MACROD2: variants seen among roughly 807,000 people sequenced by gnomAD.
MACROD2 encodes mono-ADP ribosylhydrolase 2.
A neutral mutation model predicts 70.4 loss-of-function variants in MACROD2; 36 were observed. The ratio of observed to expected loss-of-function variants is 0.51; its 90% CI spans 0.39 to 0.68. MACROD2 has a LOEUF of 0.68. Among genes scored for constraint, MACROD2 ranks in the 30% least tolerant of loss-of-function variants. MACROD2 has a pLI of 0.00. For missense variants in MACROD2, 496 were observed against 538.4 expected (o/e 0.92, Z 0.78); for synonymous variants, 172 against 178.8 (o/e 0.96, Z 0.30).
At chr20:14,148,074 A>G (rs1190036690) in intron 3 of MACROD2, among the ~76,000 whole-genome samples, 1 of 152,182 alleles carries the variant, frequency 6.6e-6, no homozygotes, top group East Asian at 1.9e-4. Flanking sequence ...AAATTTTACT[A>G]CTCTTGGATA....
intron 8 of MACROD2, among the ~76,000 whole-genome samples, chr20:15,840,677 C>A (rs1394505387): frequency 6.6e-6 from 1 of 152,070 alleles, no homozygotes; most frequent in African/African-American, 2.4e-5. Context: ...AAAAGAATTC[C>A]ATGACTGAAG....
chr20:14,894,844 A>G (rs1050281672), intron 5 of MACROD2: 2 of 152,162 alleles, frequency 1.3e-5, no homozygotes, highest in Non-Finnish European at 2.9e-5. Flanking sequence ...TTTGTGGATC[A>G]GGGACAAGGG....
chr20:13,998,829 C>T (rs566838567), intron 1 of MACROD2, among the ~76,000 whole-genome samples: 2 of 151,976 alleles, frequency 1.3e-5, no homozygotes, highest in African/African-American at 4.8e-5. Context: ...GTGGCACACG[C>T]CTGTAATCCC....
intron 4 of MACROD2, among the ~76,000 whole-genome samples, chr20:14,667,556 G>A (rs1053315525): frequency 1.3e-5 from 2 of 152,138 alleles, no homozygotes; most frequent in African/African-American, 2.4e-5. Flanking sequence ...TGTTGGATGC[G>A]TGTGCTGTGT....
chr20:15,545,214 G>A (rs1395291806), intron 8 of MACROD2, among the ~76,000 whole-genome samples: 1 of 152,158 alleles, frequency 6.6e-6, no homozygotes, highest in African/African-American at 2.4e-5. Flanking sequence ...TTTGGCAAAG[G>A]CACTGGCAAG....
chr20:15,049,388 C>G (rs1369533227), intron 5 of MACROD2, among the ~76,000 whole-genome samples: 1 of 151,820 alleles, frequency 6.6e-6, no homozygotes, highest in East Asian at 1.9e-4. Context: ...CTAAAGGCAG[C>G]TGCTACTCAG....
intron 5 of MACROD2, among the ~76,000 whole-genome samples, chr20:14,923,991 A>T (rs958802951): frequency 1.3e-5 from 2 of 152,170 alleles, no homozygotes; most frequent in Non-Finnish European, 2.9e-5. Flanking sequence ...TTGAGGTCAT[A>T]TATAGACCAC....
intron 3 of MACROD2, among the ~76,000 whole-genome samples, chr20:14,450,355 T>G (rs1039924704): frequency 2.6e-5 from 4 of 152,070 alleles, no homozygotes; most frequent in African/African-American, 9.7e-5. Context: ...TTTTAGGAAG[T>G]GAACGTCAAA....
rs185795684 is a variant in MACROD2, at chr20:15,612,860, T to A, written c.645+113013T>A. Among the ~76,000 whole-genome samples, 3 of 152,332 alleles carry A rather than the reference T, an allele frequency of 2.0e-5. No individual in the cohort carries two copies. The East Asian group carries it at 5.8e-4, about 29-fold the overall frequency. On this transcript the variant is annotated intron_variant, in intron 8 of 17. Coordinates refer to ENST00000684519, the MANE Select transcript of MACROD2 (RefSeq NM_001351661.2). ...CAGCTTCTTTTGAGAGAAGTGTGTC[T>A]AGTGCATTTTCCCATCACTTACTAA...
At chr20:15,025,527 A>G (rs1273952617) in intron 5 of MACROD2, among the ~76,000 whole-genome samples, 2 of 151,794 alleles carry the variant, frequency 1.3e-5, no homozygotes, top group African/African-American at 4.8e-5. Context: ...CCCTCTACCT[A>G]CTCCTTTCAC....
At chr20:14,693,026 A>G (rs2071081511) in intron 5 of MACROD2, among the ~76,000 whole-genome samples, 1 of 152,232 alleles carries the variant, frequency 6.6e-6, no homozygotes, top group Admixed American at 6.5e-5. Flanking sequence ...ATTTGCCATC[A>G]TAGCAAGCCT....
At chr20:14,414,085 C>A (rs1390813289) in intron 3 of MACROD2, among the ~76,000 whole-genome samples, 1 of 152,154 alleles carries the variant, frequency 6.6e-6, no homozygotes, top group Non-Finnish European at 1.5e-5. Flanking sequence ...AAAAAACATT[C>A]ATTTGCTGAC....
intron 8 of MACROD2, among the ~76,000 whole-genome samples, chr20:15,842,852 G>A (rs6043572): frequency 0.87 from 131,632 of 152,126 alleles, 57,226 homozygotes; most frequent in East Asian, 0.99. Context: ...GGGTTGTGTC[G>A]TCTCTCAAGA....
intron 8 of MACROD2, chr20:15,552,140 G>C (rs972792064): frequency 6.6e-6 from 1 of 152,138 alleles, no homozygotes; most frequent in Admixed American, 6.5e-5. Context: ...TAGGTTTCTA[G>C]AAGTTCTTCT....
intron 3 of MACROD2, among the ~76,000 whole-genome samples, chr20:14,420,956 G>A (rs1300679875): frequency 6.6e-6 from 1 of 152,206 alleles, no homozygotes; most frequent in African/African-American, 2.4e-5. Flanking sequence ...GCCTCCCAAA[G>A]TGTTGGGATT....
In MACROD2 at chr20:15,454,808, A is replaced by G. The variant is rs1409825391; in HGVS notation, c.571+23373A>G. Among the ~76,000 whole-genome samples the G allele has an allele frequency of 3.4e-5, 2 of 58,658 alleles. 1 individual carries two copies. The highest frequency in any genetic ancestry group is 1.2e-4 in the African/African-American group (2 of 16,970). 38.5% of individuals were successfully genotyped at this position (58,658 alleles called of 152,430 possible). On this transcript the variant is annotated intron_variant, in intron 7 of 17. Transcript: ENST00000684519. ...TTTCTTGCAGCAGGATGTCTCTGCGAAAGTGGGCTTTTAACCATTTCGCAT... is the reference window on the plus strand; with the variant it reads ...TTTCTTGCAGCAGGATGTCTCTGCGGAAGTGGGCTTTTAACCATTTCGCAT...
chr20:14,928,364 TTTC>T (rs1284424621), intron 5 of MACROD2, among the ~76,000 whole-genome samples: 3 of 152,316 alleles, frequency 2.0e-5, no homozygotes, highest in African/African-American at 4.8e-5. Context: ...AGTTTTGAGT[TTTC>T]TTAAGATTTT....
chr20:14,310,424 G>A (rs1197808467), intron 3 of MACROD2, among the ~76,000 whole-genome samples: 2 of 152,110 alleles, frequency 1.3e-5, no homozygotes, highest in Admixed American at 6.5e-5. Context: ...AGATTATAAT[G>A]GAGCTGAAAA....
At chr20:14,215,605 T>C (rs1040977009) in intron 3 of MACROD2, among the ~76,000 whole-genome samples, 4 of 152,168 alleles carry the variant, frequency 2.6e-5, no homozygotes, top group Non-Finnish European at 2.9e-5. Context: ...CCATAGCGGC[T>C]GTACTAGTTT....
Sources: allele counts gnomAD v4.1 joint callset (sites outside exome capture counted in the v4.1 genomes callset), GRCh38; gene constraint gnomAD v4.1.1; transcripts MANE v1.5; gene names NCBI Gene and HGNC (gene_info 2026-07-23, HGNC 2026-07-21).